The following RYR2 variants were observed in gnomAD, a reference collection of about 807,000 sequenced individuals.
RYR2 encodes the protein cardiac muscle ryanodine receptor-calcium release channel.
Under a neutral mutation model 601.1 loss-of-function variants are expected in RYR2, and 227 were observed. That is an observed-to-expected ratio of 0.38 (90% CI 0.34 to 0.42). The LOEUF (loss-of-function observed/expected upper bound fraction) is 0.42. Ranked by LOEUF, RYR2 falls within the 10% of genes least tolerant of loss-of-function variation. The pLI is 1.00. For synonymous variants in RYR2, 2,223 were observed against 2,175.1 expected (o/e 1.02, Z -0.61); for missense variants, 4,646 against 6,156.5 (o/e 0.75, Z 8.21).
intron 1 of RYR2, among the ~76,000 whole-genome samples, chr1:237,073,225 G>A (rs1007349115): frequency 6.6e-6 from 1 of 152,184 alleles, no homozygotes; most frequent in Non-Finnish European, 1.5e-5. Context: ...GGTGGGTGTT[G>A]AGAATACAGA....
intron 52 of RYR2, among the ~76,000 whole-genome samples, chr1:237,654,948 G>C (rs1335767449): frequency 2.0e-5 from 3 of 152,160 alleles, no homozygotes; most frequent in African/African-American, 7.2e-5. Context: ...GACAGGTGTT[G>C]ATCTTAGAGA....
intron 48 of RYR2, among the ~76,000 whole-genome samples, chr1:237,645,325 C>A (rs114270618): frequency 1.3e-5 from 2 of 152,204 alleles, no homozygotes; most frequent in African/African-American, 4.8e-5. Context: ...AAATCTTCCC[C>A]GCCTTTGGCT....
In RYR2 at chr1:237,117,843, T is replaced by G. The variant is rs144895224; in HGVS notation, c.48+75274T>G. On this transcript the variant is annotated intron_variant, in intron 1 of 104. Transcript: ENST00000366574. Reference sequence around the variant, plus strand: ...TCACTGCAAGCTCTCCCTCCTGGGTTCAAATGATTCTCCTGCCTCAGCCTC... The same window carrying G: ...TCACTGCAAGCTCTCCCTCCTGGGTGCAAATGATTCTCCTGCCTCAGCCTC... Among the ~76,000 whole-genome samples the G allele has an allele frequency of 1.7e-3, 262 of 152,230 alleles. 1 individual carries two copies. Among genetic ancestry groups the G allele is most frequent in the African/African-American group, 6.1e-3 (253 of 41,534 alleles).
chr1:237,074,988 T>G (rs1664825964), intron 1 of RYR2, among the ~76,000 whole-genome samples: 1 of 152,098 alleles, frequency 6.6e-6, no homozygotes, highest in Non-Finnish European at 1.5e-5. Context: ...TCCACATGTT[T>G]GGGAGCTATA....
At chr1:237,599,201 T>C (rs891702712) in intron 34 of RYR2, among the ~76,000 whole-genome samples, 9 of 152,094 alleles carry the variant, frequency 5.9e-5, no homozygotes, top group Non-Finnish European at 1.2e-4. Context: ...CTTTTTTTTC[T>C]AAGGTCTGGA....
intron 100 of RYR2, 117 bp from the exon 101 acceptor site, chr1:237,818,919 A>C: frequency 1.2e-6 from 1 of 856,182 alleles, no homozygotes; most frequent in Non-Finnish European, 1.8e-6. Context: ...GCAATATAGA[A>C]TGCAAAAATT....
intron 2 of RYR2, among the ~76,000 whole-genome samples, chr1:237,302,345 G>A (rs1465354614): frequency 6.6e-6 from 1 of 152,056 alleles, no homozygotes; most frequent in East Asian, 1.9e-4. Context: ...ATACGAGTGC[G>A]ACTCACAATT....
chr1:237,466,118 T>C (rs573867576), intron 16 of RYR2, among the ~76,000 whole-genome samples: 14 of 152,308 alleles, frequency 9.2e-5, no homozygotes, highest in Middle Eastern at 6.8e-3. Flanking sequence ...TGAGACCATT[T>C]TACCCAGATG....
chr1:237,623,952 G>T (rs567888031), intron 39 of RYR2, 82 bp downstream of exon 39: 3 of 891,486 alleles, frequency 3.4e-6, no homozygotes, highest in Non-Finnish European at 5.5e-6. Context: ...GTGTATATGC[G>T]AATATTTTCA....
chr1:237,782,517 C>A (rs971196900), intron 89 of RYR2, among the ~76,000 whole-genome samples: 1 of 152,166 alleles, frequency 6.6e-6, no homozygotes, highest in Non-Finnish European at 1.5e-5. Context: ...GCAGCTGTCA[C>A]GCCTCGTGCT....
intron 17 of RYR2, among the ~76,000 whole-genome samples, chr1:237,481,966 C>T (rs1325884519): frequency 6.6e-6 from 1 of 152,136 alleles, no homozygotes; most frequent in Non-Finnish European, 1.5e-5. Context: ...TAAGAAGACA[C>T]TCCTGTTAAC....
intron 1 of RYR2, among the ~76,000 whole-genome samples, chr1:237,243,505 C>A (rs939618064): frequency 6.6e-6 from 1 of 152,070 alleles, no homozygotes; most frequent in African/African-American, 2.4e-5. Flanking sequence ...GCTTCCATGC[C>A]CTCCCTGGGC....
intron 84 of RYR2, 82 bp downstream of exon 84, chr1:237,761,110 G>C (rs1693397984): frequency 1.2e-6 from 1 of 800,298 alleles, no homozygotes. Context: ...CTTTCAAGTA[G>C]AGAGATAAGA....
chr1:237,614,711 T>C lies in RYR2; in HGVS notation c.5583T>C (p.Ser1861=), dbSNP rs535205186. 2 of 1,613,692 alleles carry C rather than the reference T, an allele frequency of 1.2e-6. No individual in the cohort carries two copies. Among genetic ancestry groups the C allele is most frequent in the African/African-American group, 2.7e-5 (2 of 74,910 alleles). Residue 1861 remains serine, a synonymous_variant, in exon 37 of 105, where the codon AGT becomes AGC. Transcript: ENST00000366574. This position sits in a 1 kb window ranked among gnomAD's most constrained non-coding sequence, Gnocchi z 4.3. ...FKEAATPEEE[S]DTLEKELSVD... is the part of the protein sequence containing the mutation. ...AAGCTGCCACTCCGGAGGAGGAGAG[T>C]GACACGCTGGAGAAAGAGCTCAGTG...
chr1:237,395,515 G>A (rs993164689), intron 10 of RYR2, among the ~76,000 whole-genome samples: 2 of 145,890 alleles, frequency 1.4e-5, no homozygotes, highest in Non-Finnish European at 3.0e-5. Flanking sequence ...TTGAGGACAC[G>A]TCCGCTAGTA....
At chr1:237,314,708 C>T (rs1446481212) in intron 2 of RYR2, among the ~76,000 whole-genome samples, 7 of 152,108 alleles carry the variant, frequency 4.6e-5, no homozygotes, top group African/African-American at 1.2e-4. Flanking sequence ...TCCTGAAGTC[C>T]GTGATATATT....
intron 1 of RYR2, among the ~76,000 whole-genome samples, chr1:237,112,196 C>A (rs549502912): frequency 6.6e-6 from 1 of 152,194 alleles, no homozygotes. Context: ...ACACTGTGAC[C>A]TCCGCTTCCC....
At chr1:237,706,917 A>C in intron 67 of RYR2, 32 bp from the exon 68 acceptor site, 3 of 1,551,860 alleles carry the variant, frequency 1.9e-6, no homozygotes, top group Non-Finnish European at 2.7e-6. Context: ...ACTTTCTTTG[A>C]ATATCATCCA....
intron 17 of RYR2, among the ~76,000 whole-genome samples, chr1:237,478,602 T>C (rs573569638): frequency 6.6e-6 from 1 of 152,366 alleles, no homozygotes; most frequent in South Asian, 2.1e-4. Flanking sequence ...CAAAGGCTGA[T>C]ACAAGTTTTA....
Sources: gnomAD v4.1 joint callset for allele counts (sites outside exome capture counted in the v4.1 genomes callset) on GRCh38, gnomAD v4.1.1 for gene constraint, Gnocchi (gnomAD v3.1) non-coding constraint, MANE v1.5 for transcripts, NCBI Gene and HGNC (gene_info 2026-07-23, HGNC 2026-07-21) for gene names.